Variants in ZNF248 observed in about 807,000 individuals in gnomAD.
ZNF248 encodes the protein zinc finger protein 248.
In ZNF248, 20 loss-of-function variants were observed where a neutral mutation model predicts 44.3. The observed-to-expected ratio is 0.45, with a 90% confidence interval of 0.32 to 0.66. The LOEUF (loss-of-function observed/expected upper bound fraction) is 0.66. Ranked by LOEUF, ZNF248 falls within the 30% of genes least tolerant of loss-of-function variation. ZNF248 has a pLI of 0.04. For synonymous variants in ZNF248, 224 were observed against 229.0 expected (o/e 0.98, Z 0.20); for missense variants, 654 against 677.0 (o/e 0.97, Z 0.38).
intron 3 of ZNF248, among the ~76,000 whole-genome samples, chr10:37,854,131 C>T (rs549604565): frequency 3.3e-5 from 5 of 152,120 alleles, no homozygotes; most frequent in Non-Finnish European, 5.9e-5. Flanking sequence ...ACATAAAATG[C>T]ATAAAAGTAT....
At chr10:37,797,531 A>C (rs1007779921) in intron 6 of ZNF248, among the ~76,000 whole-genome samples, 5 of 152,320 alleles carry the variant, frequency 3.3e-5, no homozygotes, top group Non-Finnish European at 7.4e-5. Context: ...ACAGAATGGG[A>C]AAAAGTATTT....
At chr10:37,759,641 C>A in the ZNF248 span, among the ~76,000 whole-genome samples, 1 of 152,184 alleles carries the variant, frequency 6.6e-6, no homozygotes, top group Admixed American at 6.6e-5. Context: ...ACCAACAAGA[C>A]AGAGCCTTTT....
intron 6 of ZNF248, among the ~76,000 whole-genome samples, chr10:37,805,166 A>G (rs2050381077): frequency 6.6e-6 from 1 of 152,158 alleles, no homozygotes; most frequent in African/African-American, 2.4e-5. Flanking sequence ...AGAGAGGAGG[A>G]GCCTTGCCTG....
the ZNF248 span, among the ~76,000 whole-genome samples, chr10:37,768,079 T>C: frequency 2.9e-4 from 44 of 152,230 alleles, no homozygotes; most frequent in East Asian, 8.3e-3. Context: ...GAACTAACTA[T>C]CCTAAATACG....
chr10:37,812,957 T>C (rs2051771875), intron 6 of ZNF248, among the ~76,000 whole-genome samples: 1 of 150,840 alleles, frequency 6.6e-6, no homozygotes, highest in Non-Finnish European at 1.5e-5. Flanking sequence ...ATGTTGTATA[T>C]GACTTCACAG....
At chr10:37,806,623 A>G (rs1427420146) in intron 6 of ZNF248, among the ~76,000 whole-genome samples, 1 of 151,994 alleles carries the variant, frequency 6.6e-6, no homozygotes, top group Non-Finnish European at 1.5e-5. Context: ...GGAGTTATCT[A>G]TATATTCTGA....
At chr10:37,813,343 CAGAT>C (rs2051865397) in intron 6 of ZNF248, among the ~76,000 whole-genome samples, 1 of 152,106 alleles carries the variant, frequency 6.6e-6, no homozygotes, top group Non-Finnish European at 1.5e-5. Flanking sequence ...TGTTACTGTA[CAGAT>C]ACCTTTTTAG....
chr10:37,833,856 C>G (rs947528578), intron 5 of ZNF248, among the ~76,000 whole-genome samples: 2 of 151,884 alleles, frequency 1.3e-5, no homozygotes, highest in East Asian at 1.9e-4. Flanking sequence ...AGGAAATGCA[C>G]AGAGAATGAG....
At chr10:37,850,589 C>T (rs1031775501) in intron 3 of ZNF248, among the ~76,000 whole-genome samples, 2 of 152,124 alleles carry the variant, frequency 1.3e-5, no homozygotes, top group Admixed American at 1.3e-4. Flanking sequence ...TTAGCAGAGG[C>T]ACAGACACAT....
intron 6 of ZNF248, chr10:37,819,540 T>G (rs2053116522): frequency 1.0e-6 from 1 of 1,001,006 alleles, no homozygotes; most frequent in African/African-American, 1.6e-5. Context: ...AACAAATATC[T>G]GTCATTTAGC....
At chr10:37,837,519 G>A (rs2057468874) in intron 5 of ZNF248, 98 bp downstream of exon 5, 2 of 977,856 alleles carry the variant, frequency 2.0e-6, no homozygotes, top group East Asian at 5.0e-5. Flanking sequence ...GCTAAAAAGA[G>A]ACATTTGTGA....
chr10:37,852,893 C>T (rs904874991), intron 3 of ZNF248, among the ~76,000 whole-genome samples: 6 of 151,824 alleles, frequency 4.0e-5, no homozygotes, highest in African/African-American at 1.2e-4. Flanking sequence ...GATGGAGTCT[C>T]GCTCTGTTGC....
chr10:37,822,164 A>T (rs2053577399), intron 6 of ZNF248, among the ~76,000 whole-genome samples: 1 of 152,176 alleles, frequency 6.6e-6, no homozygotes, highest in African/African-American at 2.4e-5. Flanking sequence ...GTGCTGCTCA[A>T]ATTAATCTCT....
At chr10:37,820,079 G>C in intron 6 of ZNF248, 1 of 845,748 alleles carries the variant, frequency 1.2e-6, no homozygotes, top group Admixed American at 1.7e-5. Context: ...TTGTATCTCT[G>C]TAGCATCTTT....
intron 3 of ZNF248, among the ~76,000 whole-genome samples, chr10:37,851,561 A>AT (rs2060225174): frequency 6.6e-6 from 1 of 152,040 alleles, no homozygotes; most frequent in African/African-American, 2.4e-5. Context: ...TATATGAAAC[A>AT]TACTTGTTAA....
At chr10:37,845,716 G>A (rs1370426588) in intron 3 of ZNF248, among the ~76,000 whole-genome samples, 1 of 151,940 alleles carries the variant, frequency 6.6e-6, no homozygotes, top group African/African-American at 2.4e-5. Context: ...AAGGCAGGAA[G>A]GAGTGAAAAG....
At chr10:37,798,534 A>C (rs1452368835) in intron 6 of ZNF248, among the ~76,000 whole-genome samples, 1 of 152,164 alleles carries the variant, frequency 6.6e-6, no homozygotes, top group Non-Finnish European at 1.5e-5. Context: ...TTAAAGGACA[A>C]GGTATATAGT....
At chr10:37,764,570 G>T in the ZNF248 span, among the ~76,000 whole-genome samples, 1,173 of 152,028 alleles carry the variant, frequency 7.7e-3, 16 homozygotes, top group African/African-American at 0.027. Flanking sequence ...GTGGCCTGGG[G>T]GCATCACAGA....
At chr10:37,824,909 C>T (rs11011378), downstream of ZNF248, among the ~76,000 whole-genome samples, 14,195 of 146,306 alleles carry the variant, frequency 0.097, 914 homozygotes, top group Admixed American at 0.18. Context: ...AGGATGGTCT[C>T]GATCTCCTGA....
Sources: allele counts gnomAD v4.1 joint callset (sites outside exome capture counted in the v4.1 genomes callset), GRCh38; gene constraint gnomAD v4.1.1; transcripts MANE v1.5; gene names NCBI Gene and HGNC (gene_info 2026-07-23, HGNC 2026-07-21).